The following SORCS2 variants were observed in gnomAD, a reference collection of about 807,000 sequenced individuals.
SORCS2 encodes VPS10 domain-containing receptor SorCS2.
In SORCS2, 100 loss-of-function variants were observed where a neutral mutation model predicts 141.6. That is an observed-to-expected ratio of 0.71 (90% CI 0.60 to 0.83). SORCS2 has a LOEUF of 0.83. Ranked by LOEUF, SORCS2 falls within the 40% of genes least tolerant of loss-of-function variation. The probability of loss-of-function intolerance (pLI) is 0.00; values close to 1 mark genes in which losing one functional copy is unlikely to be tolerated. For missense variants in SORCS2, 1,646 were observed against 1,560.2 expected (o/e 1.05, Z -0.93); for synonymous variants, 789 against 676.9 (o/e 1.17, Z -2.57).
intron 3 of SORCS2, among the ~76,000 whole-genome samples, chr4:7,582,342 G>T (rs1185799016): frequency 6.6e-6 from 1 of 152,200 alleles, no homozygotes; most frequent in Non-Finnish European, 1.5e-5. Context: ...GAAGCCCTTT[G>T]TGTGAAATGA....
At chr4:7,571,103 C>G (rs1162718636) in intron 3 of SORCS2, among the ~76,000 whole-genome samples, 1 of 152,218 alleles carries the variant, frequency 6.6e-6, no homozygotes, top group East Asian at 1.9e-4. Flanking sequence ...TACAGCAGCC[C>G]CCAGCCCTGG....
At chr4:7,261,223 C>A (rs187445358) in intron 1 of SORCS2, among the ~76,000 whole-genome samples, 1 of 152,158 alleles carries the variant, frequency 6.6e-6, no homozygotes, top group Non-Finnish European at 1.5e-5. Context: ...GGCAGGCAGG[C>A]GTTTGATCCA....
chr4:7,510,478 G>T (rs184279695), intron 2 of SORCS2, among the ~76,000 whole-genome samples: 2 of 149,122 alleles, frequency 1.3e-5, no homozygotes, highest in Admixed American at 1.3e-4. Flanking sequence ...TCATGGTTTC[G>T]GCCAGTTCCA....
At position 7,338,556 on chromosome 4, in the gene SORCS2, G is replaced by A. The variant is rs1720167893; in HGVS notation, c.481-57732G>A. Among the ~76,000 whole-genome samples the A allele has an allele frequency of 6.6e-5, 10 of 152,094 alleles. No individual in the cohort carries two copies. The South Asian group carries it at 2.1e-3, about 32-fold the overall frequency. On this transcript the variant is annotated intron_variant, in intron 1 of 26. Coordinates refer to ENST00000507866, the MANE Select transcript of SORCS2 (RefSeq NM_020777.3). ...GCAAACTGAGGCCCAGAGGCACCCA[G>A]CAGGGCCAGCCAGGGTGGGGCTGGC...
chr4:7,666,859 G>A (rs1244915571), intron 7 of SORCS2, among the ~76,000 whole-genome samples: 2 of 152,126 alleles, frequency 1.3e-5, no homozygotes, highest in African/African-American at 2.4e-5. Flanking sequence ...TCCATAAGTT[G>A]GATGCAGAGC....
intron 2 of SORCS2, among the ~76,000 whole-genome samples, chr4:7,466,449 G>T (rs1054261513): frequency 6.6e-6 from 1 of 152,192 alleles, no homozygotes; most frequent in Non-Finnish European, 1.5e-5. Flanking sequence ...TGTGGTCTTG[G>T]TATGGGGGCA....
At chr4:7,419,684 G>A (rs1470404900) in intron 2 of SORCS2, among the ~76,000 whole-genome samples, 1 of 137,034 alleles carries the variant, frequency 7.3e-6, no homozygotes, top group African/African-American at 2.8e-5. Flanking sequence ...GGTGTCATCT[G>A]AACTGCAGAT....
At chr4:7,676,891 C>CTTTCTCTCTCTCTCT (rs1560475781) in intron 9 of SORCS2, among the ~76,000 whole-genome samples, 2 of 32,324 alleles carry the variant, frequency 6.2e-5, no homozygotes, top group Non-Finnish European at 1.6e-4. Context: ...CTGAAGTTGG[C>CTTTCTCTCTCTCTCT]CTCTCTCTCT....
chr4:7,433,785 C>T, intron 2 of SORCS2: 2 of 1,613,586 alleles, frequency 1.2e-6, no homozygotes, highest in South Asian at 2.2e-5. Context: ...GGTTGCCACA[C>T]AGACGGATGA....
intron 4 of SORCS2, among the ~76,000 whole-genome samples, chr4:7,639,286 T>A (rs1049396978): frequency 6.6e-6 from 1 of 152,222 alleles, no homozygotes. Flanking sequence ...CCCTGGGCTC[T>A]AGGGAGGAGT....
At chr4:7,374,160 T>G (rs1203197512) in intron 1 of SORCS2, among the ~76,000 whole-genome samples, 1 of 148,074 alleles carries the variant, frequency 6.8e-6, no homozygotes, top group Non-Finnish European at 1.5e-5. Context: ...TCTTTCTTTC[T>G]TTCTTTCTTT....
intron 3 of SORCS2, among the ~76,000 whole-genome samples, chr4:7,635,070 G>A (rs1293729641): frequency 2.6e-5 from 4 of 152,344 alleles, no homozygotes; most frequent in Admixed American, 6.5e-5. Context: ...TGAACAAAGC[G>A]TGGCATTTGG....
intron 2 of SORCS2, among the ~76,000 whole-genome samples, chr4:7,458,806 G>A (rs550642243): frequency 6.6e-6 from 1 of 152,190 alleles, no homozygotes; most frequent in South Asian, 2.1e-4. Flanking sequence ...CAGTGGTGGT[G>A]TCCCCAGGGG....
At chr4:7,366,214 C>T (rs929436059) in intron 1 of SORCS2, among the ~76,000 whole-genome samples, 6 of 152,120 alleles carry the variant, frequency 3.9e-5, no homozygotes, top group African/African-American at 1.4e-4. Flanking sequence ...TCCTTCCTCC[C>T]TCTCTTCCCT....
At chr4:7,728,821 G>A (rs374220523) in intron 22 of SORCS2, among the ~76,000 whole-genome samples, 79 of 152,274 alleles carry the variant, frequency 5.2e-4, no homozygotes, top group African/African-American at 1.8e-3. Flanking sequence ...TCTCTTCTGG[G>A]CTGGACACAA....
At chr4:7,332,039 T>C (rs1052468935) in intron 1 of SORCS2, among the ~76,000 whole-genome samples, 1 of 152,172 alleles carries the variant, frequency 6.6e-6, no homozygotes, top group Non-Finnish European at 1.5e-5. Context: ...AGCTTGTTAA[T>C]GGAGGAGCAT....
intron 1 of SORCS2, among the ~76,000 whole-genome samples, chr4:7,328,985 AG>A (rs1719470717): frequency 6.6e-6 from 1 of 152,118 alleles, no homozygotes; most frequent in South Asian, 2.1e-4. Context: ...TGGTCAGGTG[AG>A]GTGTGTGGCC....
chr4:7,724,585 GTGGTGTTGGTGATGGTGGTGATAGTGC>G (rs1271302755), intron 19 of SORCS2, among the ~76,000 whole-genome samples: 667 of 95,024 alleles, frequency 7.0e-3, no homozygotes, highest in South Asian at 0.013. Flanking sequence ...GGTGATGGTG[GTGGTGTTGGTGATGGTGGTGATAGTGC>G]TGGTGAGGAT....
At chr4:7,568,721 G>C (rs1178581047) in intron 3 of SORCS2, among the ~76,000 whole-genome samples, 1 of 152,236 alleles carries the variant, frequency 6.6e-6, no homozygotes, top group Non-Finnish European at 1.5e-5. Context: ...CCAGGTTCCT[G>C]TGAGTTGACT....
Sources: gnomAD v4.1 joint callset for allele counts (sites outside exome capture counted in the v4.1 genomes callset) on GRCh38, gnomAD v4.1.1 for gene constraint, MANE v1.5 for transcripts, NCBI Gene and HGNC (gene_info 2026-07-23, HGNC 2026-07-21) for gene names.